The following KIF6 variants were observed in gnomAD, a reference collection of about 807,000 sequenced individuals.
KIF6 encodes the protein kinesin-like protein KIF6.
A neutral mutation model predicts 112.7 loss-of-function variants in KIF6; 106 were observed. The observed-to-expected ratio is 0.94, with a 90% CI of 0.80 to 1.11. The LOEUF (loss-of-function observed/expected upper bound fraction) is 1.11, where lower values mean the gene tolerates loss of function less well. Ranked by LOEUF, KIF6 falls within the 50% of genes least tolerant of loss-of-function variation. The pLI, the probability that KIF6 is intolerant of heterozygous loss-of-function variation, is 0.00. For missense variants in KIF6, 929 were observed against 964.0 expected (o/e 0.96, Z 0.48); for synonymous variants, 339 against 339.9 (o/e 1.00, Z 0.03).
intron 13 of KIF6, among the ~76,000 whole-genome samples, chr6:39,440,998 A>C (rs2150395027): frequency 6.6e-6 from 1 of 152,300 alleles, no homozygotes; most frequent in East Asian, 1.9e-4. Context: ...CTTATAAGAG[A>C]AATGAGCCAT....
intron 3 of KIF6, among the ~76,000 whole-genome samples, chr6:39,673,597 T>G (rs1786965529): frequency 6.6e-6 from 1 of 152,146 alleles, no homozygotes; most frequent in South Asian, 2.1e-4. Flanking sequence ...AACAAAAGAC[T>G]AAGATTAATG....
At chr6:39,511,112 T>C (rs955606630) in intron 13 of KIF6, among the ~76,000 whole-genome samples, 1 of 152,070 alleles carries the variant, frequency 6.6e-6, no homozygotes, top group African/African-American at 2.4e-5. Context: ...ACAATAATAA[T>C]GGGAGACTTT....
rs1017685290 is a variant in KIF6 at position 39,589,806 on chromosome 6, T to C, written c.847-3402A>G. 2.6e-5 allele frequency among the ~76,000 whole-genome samples: 4 copies of C among 152,246 alleles called. No individual in the cohort carries two copies. The South Asian group carries it at 8.3e-4, about 31-fold the overall frequency. On this transcript the variant is annotated intron_variant, in intron 7 of 22. Coordinates refer to ENST00000287152, the MANE Select transcript of KIF6 (RefSeq NM_145027.6). The stretch of plus-strand genomic sequence containing the variant: ...TAGTGGTGTGGTTAGGTGTGTCTCC[T>C]GGTTGCTCTGTGTAGCAGCCAAACC...
chr6:39,669,771 C>A (rs1049735773), intron 3 of KIF6, among the ~76,000 whole-genome samples: 1 of 152,214 alleles, frequency 6.6e-6, no homozygotes, highest in African/African-American at 2.4e-5. Flanking sequence ...GTGGAGTCTG[C>A]AGTAACTGGT....
At chr6:39,653,515 G>C (rs1005015297) in intron 3 of KIF6, among the ~76,000 whole-genome samples, 131 of 152,190 alleles carry the variant, frequency 8.6e-4, no homozygotes, top group Non-Finnish European at 1.3e-3. Flanking sequence ...ATTCAGAGGA[G>C]AGGAAAGAAT....
intron 5 of KIF6, among the ~76,000 whole-genome samples, chr6:39,617,134 A>T (rs2150728331): frequency 6.6e-6 from 1 of 152,328 alleles, no homozygotes; most frequent in African/African-American, 2.4e-5. Flanking sequence ...TAAAATATTT[A>T]GATTTCAAGA....
At chr6:39,583,301 C>A (rs1781400428) in intron 9 of KIF6, 1 of 438,786 alleles carries the variant, frequency 2.3e-6, no homozygotes, top group African/African-American at 2.0e-5. Context: ...GTAGGGACAG[C>A]AACAAAATCC....
At chr6:39,708,115 C>T (rs758856758) in intron 3 of KIF6, among the ~76,000 whole-genome samples, 7 of 152,156 alleles carry the variant, frequency 4.6e-5, no homozygotes, top group South Asian at 2.1e-4. Flanking sequence ...AGGCAACCCA[C>T]GGCATTATCA....
intron 13 of KIF6, among the ~76,000 whole-genome samples, chr6:39,447,987 G>A (rs921887849): frequency 6.6e-6 from 1 of 152,192 alleles, no homozygotes; most frequent in Non-Finnish European, 1.5e-5. Flanking sequence ...GGCTGTGAGC[G>A]GCAGTGATAC....
intron 6 of KIF6, among the ~76,000 whole-genome samples, 164 bp from the exon 7 acceptor site, chr6:39,596,424 T>A (rs555320846): frequency 6.6e-6 from 1 of 152,348 alleles, no homozygotes; most frequent in South Asian, 2.1e-4. Flanking sequence ...AAGTTCTTTT[T>A]AATGTATTAC....
At chr6:39,533,333 TA>T (rs996472401) in intron 13 of KIF6, among the ~76,000 whole-genome samples, 3 of 152,182 alleles carry the variant, frequency 2.0e-5, no homozygotes, top group Non-Finnish European at 4.4e-5. Flanking sequence ...CTGATGGGCT[TA>T]AAAAACGGTG....
intron 15 of KIF6, among the ~76,000 whole-genome samples, chr6:39,403,798 A>T (rs1276561246): frequency 6.6e-6 from 1 of 152,182 alleles, no homozygotes; most frequent in Non-Finnish European, 1.5e-5. Flanking sequence ...CCTTGCTATT[A>T]CTTGGTATTG....
chr6:39,596,668 A>G (rs1407724783), intron 6 of KIF6, among the ~76,000 whole-genome samples: 1 of 152,234 alleles, frequency 6.6e-6, no homozygotes, highest in Non-Finnish European at 1.5e-5. Context: ...AACAAAAGCC[A>G]CAGACAAAGA....
chr6:39,436,010 T>C (rs765562366), intron 13 of KIF6, among the ~76,000 whole-genome samples: 33 of 152,308 alleles, frequency 2.2e-4, no homozygotes, highest in Middle Eastern at 3.4e-3. Context: ...TTTTACCACA[T>C]CTGTGCGAAC....
chr6:39,640,773 G>A (rs1290155197), intron 3 of KIF6, among the ~76,000 whole-genome samples: 3 of 152,134 alleles, frequency 2.0e-5, no homozygotes, highest in Non-Finnish European at 4.4e-5. Flanking sequence ...ATTCTGAAGT[G>A]GTCACTTATG....
At chr6:39,651,996 T>G (rs1320040447) in intron 3 of KIF6, among the ~76,000 whole-genome samples, 1 of 152,078 alleles carries the variant, frequency 6.6e-6, no homozygotes, top group African/African-American at 2.4e-5. Flanking sequence ...TATGGAACTA[T>G]GTATGGCCTG....
intron 5 of KIF6, among the ~76,000 whole-genome samples, chr6:39,630,457 T>C (rs1784298950): frequency 1.3e-5 from 2 of 152,100 alleles, no homozygotes; most frequent in African/African-American, 4.8e-5. Flanking sequence ...GTAGGCAGTA[T>C]TGTGTTTTAC....
intron 3 of KIF6, among the ~76,000 whole-genome samples, chr6:39,644,987 A>C (rs1456819721): frequency 6.6e-6 from 1 of 152,206 alleles, no homozygotes; most frequent in Non-Finnish European, 1.5e-5. Context: ...AGCAATGAAG[A>C]GTGAGATAAA....
At chr6:39,367,471 G>A (rs1765651407) in intron 16 of KIF6, among the ~76,000 whole-genome samples, 1 of 152,136 alleles carries the variant, frequency 6.6e-6, no homozygotes, top group Non-Finnish European at 1.5e-5. Context: ...GGAGGCAGCT[G>A]CCTCCAAAGC....
Sources: allele counts gnomAD v4.1 joint callset (sites outside exome capture counted in the v4.1 genomes callset), GRCh38; gene constraint gnomAD v4.1.1; transcripts MANE v1.5; gene names NCBI Gene and HGNC (gene_info 2026-07-23, HGNC 2026-07-21).